CFAP54: variants seen among roughly 807,000 people sequenced by gnomAD.
The protein encoded by CFAP54 is cilia- and flagella-associated protein 54.
CFAP54 carries 290 observed loss-of-function variants against 370.4 expected under a neutral mutation model. The observed-to-expected ratio is 0.78, with a 90% CI of 0.71 to 0.86. The LOEUF is 0.86. Among genes scored for constraint, CFAP54 ranks in the 40% least tolerant of loss-of-function variants. CFAP54 has a pLI of 0.00. For missense variants in CFAP54, 3,399 were observed against 3,528.7 expected, an observed-to-expected ratio of 0.96 and a Z score of 0.93; for synonymous variants, 1,206 against 1,236.5, an observed-to-expected ratio of 0.98 and a Z score of 0.52.
intron 67 of CFAP54, among the ~76,000 whole-genome samples, chr12:96,870,327 C>A (rs1378803589): frequency 6.6e-6 from 1 of 152,004 alleles, no homozygotes; most frequent in Non-Finnish European, 1.5e-5. Flanking sequence ...TAGTTGAATT[C>A]TCTACTACAA....
rs574853665 is a variant in CFAP54 at position 96,679,629 on chromosome 12, G to A, written c.5593G>A (p.Val1865Met). The A allele has an allele frequency of 3.5e-5, 56 of 1,612,240 alleles. No individual in the cohort carries two copies. The highest frequency in any genetic ancestry group is 1.7e-4 in the South Asian group (15 of 90,788). Residue 1865 changes from valine to methionine, a missense_variant, in exon 40 of 68, where the codon GTG becomes ATG. Coordinates refer to ENST00000524981, the MANE Select transcript of CFAP54 (RefSeq NM_001306084.2). ...EYSRAKALVC[V>M]PVDVTDTLRC... The stretch of plus-strand genomic sequence containing the variant: ...CAGCCGAGCCAAAGCGCTTGTCTGC[G>A]TGCCCGTGGACGTGACAGACACCTT...
intron 46 of CFAP54, among the ~76,000 whole-genome samples, chr12:96,701,268 A>G (rs1010580772): frequency 6.6e-6 from 1 of 152,098 alleles, no homozygotes; most frequent in African/African-American, 2.4e-5. Flanking sequence ...TGTTTTGCTC[A>G]TTTTCTGTGG....
rs374065793 is a variant in CFAP54 at position 96,684,944 on chromosome 12, C to T, written c.5805-85C>T. 88 of 1,288,216 alleles carry T rather than the reference C, an allele frequency of 6.8e-5. No homozygotes were observed. In the Admixed American group the frequency reaches 6.9e-4, roughly 10 times the overall value. The allele number at this position is 1,288,216 out of a possible 1,614,324, so 79.8% of individuals were successfully genotyped here. ...ATACGTATGTTAATTGACGTTGCTT[C>T]GGTGTATTTGCTTTCCCTTCTGGAA... is the stretch of plus-strand genomic sequence containing the variant. On this transcript the variant is annotated intron_variant, in intron 41 of 67. Coordinates refer to ENST00000524981, the MANE Select transcript of CFAP54 (RefSeq NM_001306084.2).
chr12:96,696,754 C>T (rs1402745974), intron 45 of CFAP54, among the ~76,000 whole-genome samples: 3 of 151,922 alleles, frequency 2.0e-5, no homozygotes, highest in African/African-American at 7.3e-5. Context: ...AAAAACCAGA[C>T]TAGGGTTTTG....
chr12:96,652,570 G>A (rs1380148797), intron 36 of CFAP54, among the ~76,000 whole-genome samples: 1 of 152,120 alleles, frequency 6.6e-6, no homozygotes, highest in East Asian at 1.9e-4. Context: ...AGAAGGCAGG[G>A]AAGAAGGAAC....
chr12:96,649,989 A>G lies in CFAP54; in HGVS notation c.4789A>G (p.Ser1597Gly), dbSNP rs1417369808. The change falls in exon 35 of 68, where the codon AGT (serine) becomes GGT (glycine). Residue 1597 changes from serine (S) to glycine (G), a missense_variant. By Grantham distance (56) the Ser-to-Gly change is moderately conservative. Transcript: ENST00000524981. The part of the protein sequence containing the change: ...VYDSDSQSGS[S>G]AKEKDRGANL... Reference sequence around the variant, plus strand: ...TGACTCAGACTCTCAATCAGGTTCTAGTGCTAAAGAAAAGGACCGAGGAGC... The same window carrying G: ...TGACTCAGACTCTCAATCAGGTTCTGGTGCTAAAGAAAAGGACCGAGGAGC... 2 of 1,613,404 alleles carry G rather than the reference A, an allele frequency of 1.2e-6. No homozygotes were observed. The highest frequency in any genetic ancestry group is 1.7e-6 in the Non-Finnish European group (2 of 1,179,556).
chr12:96,672,128 AG>A (rs1404074083), intron 39 of CFAP54, among the ~76,000 whole-genome samples: 1 of 149,454 alleles, frequency 6.7e-6, no homozygotes, highest in Admixed American at 6.6e-5. Flanking sequence ...TTTTAATACA[AG>A]GAAAAAAAAG....
chr12:96,590,814 T>G (rs970517315), intron 23 of CFAP54, among the ~76,000 whole-genome samples: 2 of 152,236 alleles, frequency 1.3e-5, no homozygotes, highest in African/African-American at 4.8e-5. Flanking sequence ...TTAATTTCAT[T>G]GAGAATATTT....
chr12:96,592,635 CAAGT>C lies in CFAP54; in HGVS notation c.3360+3_3360+6del, dbSNP rs1416056973. The C allele has an allele frequency of 4.5e-6, 5 of 1,103,790 alleles. No homozygotes were observed. The highest frequency in any genetic ancestry group is 6.1e-6 in the Non-Finnish European group (5 of 826,064). 68.4% of individuals were successfully genotyped at this position (1,103,790 alleles called of 1,614,324 possible). On this transcript the variant is annotated splice_donor_variant and coding_sequence_variant, in exon 24 of 68. Transcript: ENST00000524981. LOFTEE classifies it high-confidence loss of function. ...AGGCAATGAGATTTTCCCATCTCAA[CAAGT>C]AAGTGAATTAAAGTGACTAAAAACA...
At chr12:96,777,411 G>A (rs562682756) in intron 60 of CFAP54, among the ~76,000 whole-genome samples, 13 of 151,520 alleles carry the variant, frequency 8.6e-5, no homozygotes, top group African/African-American at 2.7e-4. Flanking sequence ...GTGCAATGGC[G>A]CAATCTCGCC....
chr12:96,610,896 G>A (rs1457015543), intron 26 of CFAP54, among the ~76,000 whole-genome samples: 5 of 152,170 alleles, frequency 3.3e-5, no homozygotes, highest in African/African-American at 4.8e-5. Context: ...TGGGAAGTTC[G>A]AACTGGGTGG....
chr12:96,697,622 A>G lies in CFAP54; in HGVS notation c.6352-2349A>G, dbSNP rs191615850. 5.3e-5 allele frequency among the ~76,000 whole-genome samples: 8 copies of G among 152,324 alleles called. No individual in the cohort carries two copies. In the East Asian group the frequency reaches 5.8e-4, roughly 11 times the overall value. ...CTCTTGAGATTCCTAAGATAATAAT[A>G]AATGGGAAACAGAGAGTATGATGGG... On this transcript the variant is annotated intron_variant, in intron 45 of 67. Transcript: ENST00000524981.
At chr12:96,518,542 C>T (rs928566362) in intron 5 of CFAP54, among the ~76,000 whole-genome samples, 1 of 152,088 alleles carries the variant, frequency 6.6e-6, no homozygotes, top group African/African-American at 2.4e-5. Context: ...AAAAATTAGC[C>T]AGGTGTGGTG....
intron 38 of CFAP54, among the ~76,000 whole-genome samples, chr12:96,661,419 C>T (rs544847984): frequency 6.6e-6 from 1 of 152,274 alleles, no homozygotes; most frequent in African/African-American, 2.4e-5. Flanking sequence ...GGATTTACTA[C>T]AAGAATTTGG....
chr12:96,512,051 A>G (rs1463223823), intron 4 of CFAP54, among the ~76,000 whole-genome samples: 1 of 151,950 alleles, frequency 6.6e-6, no homozygotes, highest in Non-Finnish European at 1.5e-5. Context: ...ACACAAAAGC[A>G]TGTGTCCTTA....
chr12:96,763,075 A>G (rs7312151), intron 58 of CFAP54, among the ~76,000 whole-genome samples: 55,270 of 152,014 alleles, frequency 0.36, 10,800 homozygotes, highest in East Asian at 0.58. Flanking sequence ...CGTGGGGCTA[A>G]TTGAATTGTT....
chr12:96,729,148 G>C (rs1292930714), intron 50 of CFAP54, among the ~76,000 whole-genome samples: 1 of 152,204 alleles, frequency 6.6e-6, no homozygotes, highest in African/African-American at 2.4e-5. Flanking sequence ...CACTTGAGGA[G>C]GCAGTCTGCC....
chr12:96,869,215 G>C (rs1439355610), intron 67 of CFAP54, among the ~76,000 whole-genome samples: 3 of 152,146 alleles, frequency 2.0e-5, no homozygotes, highest in Middle Eastern at 3.4e-3. Context: ...TTTAATTTTT[G>C]TTCGAGGAAA....
At chr12:96,645,753 T>C (rs1233301972) in intron 33 of CFAP54, 3 of 152,118 alleles carry the variant, frequency 2.0e-5, no homozygotes, top group Non-Finnish European at 4.4e-5. Flanking sequence ...AAAACAGAGA[T>C]ATAGACAAAT....
Sources: gnomAD v4.1 joint callset for allele counts (sites outside exome capture counted in the v4.1 genomes callset) on GRCh38, gnomAD v4.1.1 for gene constraint, MANE v1.5 for transcripts, NCBI Gene and HGNC (gene_info 2026-07-23, HGNC 2026-07-21) for gene names.